The following TET3 variants were observed in gnomAD, a reference collection of about 807,000 sequenced individuals.
The protein encoded by TET3 is tet methylcytosine dioxygenase 3.
Under a neutral mutation model 141.4 loss-of-function variants are expected in TET3, and 19 were observed. That is an observed-to-expected ratio of 0.13 (90% confidence interval 0.09 to 0.20). The LOEUF (loss-of-function observed/expected upper bound fraction) is 0.20. TET3 is among the 10% of genes least tolerant of loss of function. The pLI, the probability that TET3 is intolerant of heterozygous loss-of-function variation, is 1.00. For synonymous variants in TET3, 1,043 were observed against 980.9 expected (o/e 1.06, Z -1.18); for missense variants, 1,874 against 2,356.9 (o/e 0.80, Z 4.24).
intron 4 of TET3, among the ~76,000 whole-genome samples, chr2:74,060,001 G>C (rs1199115720): frequency 6.6e-6 from 1 of 152,138 alleles, no homozygotes; most frequent in Non-Finnish European, 1.5e-5. Flanking sequence ...TCTTATACCT[G>C]TCTCTTGGTG....
In TET3 at chr2:74,102,453, C is replaced by G. The variant is rs1408858373; in HGVS notation, c.*277C>G. ...ATATTTATATCTCCAAGTTGTCCCC[C>G]CCCCTTGTCTGGGGGGTTTTTATTT... On this transcript the variant is annotated 3_prime_UTR_variant, in exon 12 of 12. Transcript: ENST00000409262. 3.3e-6 allele frequency: 1 copy of G among 301,848 alleles called. No homozygotes were observed. Among genetic ancestry groups the G allele is most frequent in the Non-Finnish European group, 5.9e-6 (1 of 168,840 alleles). The allele number at this position is 301,848 out of a possible 1,614,324, so 18.7% of individuals were successfully genotyped here.
the TET3 span, among the ~76,000 whole-genome samples, chr2:74,128,723 C>T: frequency 6.6e-6 from 1 of 150,536 alleles, no homozygotes; most frequent in South Asian, 2.1e-4. Context: ...TGGGCTTATG[C>T]TTGTAATCCC....
At chr2:74,061,462 G>A (rs557993877) in intron 4 of TET3, among the ~76,000 whole-genome samples, 11 of 145,838 alleles carry the variant, frequency 7.5e-5, no homozygotes, top group African/African-American at 2.3e-4. Context: ...CTGGCAGGGC[G>A]GGGGACTGAC....
intron 4 of TET3, among the ~76,000 whole-genome samples, chr2:74,072,647 G>A (rs1270482952): frequency 1.3e-5 from 2 of 152,000 alleles, no homozygotes; most frequent in Non-Finnish European, 1.5e-5. Context: ...CAGTTTAGTG[G>A]CATTAATTAC....
intron 3 of TET3, among the ~76,000 whole-genome samples, chr2:74,004,660 G>GGC (rs1016950550): frequency 5.9e-5 from 9 of 152,184 alleles, no homozygotes; most frequent in African/African-American, 2.2e-4. Context: ...CCTGGGATGA[G>GGC]GCGGTGGGAG....
the TET3 span, among the ~76,000 whole-genome samples, chr2:74,131,235 C>A: frequency 2.6e-5 from 4 of 152,170 alleles, no homozygotes; most frequent in African/African-American, 9.7e-5. Context: ...TCTCTTAGCA[C>A]GTTCTTGCCA....
At chr2:74,085,797 C>G (rs1294180282) in intron 6 of TET3, among the ~76,000 whole-genome samples, 1 of 152,200 alleles carries the variant, frequency 6.6e-6, no homozygotes, top group Admixed American at 6.5e-5. Context: ...GACCCCTGCT[C>G]TAAGGTACCT....
chr2:73,993,363 A>G (rs1256242091), intron 2 of TET3: 3 of 152,196 alleles, frequency 2.0e-5, no homozygotes, highest in Non-Finnish European at 2.9e-5. Flanking sequence ...AGTTTGATAG[A>G]ACTGCAGAAT....
At chr2:74,008,920 C>T (rs917513317) in intron 3 of TET3, among the ~76,000 whole-genome samples, 12 of 152,296 alleles carry the variant, frequency 7.9e-5, no homozygotes, top group Admixed American at 2.0e-4. Flanking sequence ...TTCTCAACCC[C>T]GCCTCCAGGC....
At position 74,102,116 on chromosome 2, in the gene TET3, G is replaced by T; in HGVS notation, c.5328G>T (p.Ala1776=). The change falls in exon 12 of 12, where the codon GCG becomes GCT. Residue 1776 remains alanine, a synonymous_variant. Transcript: ENST00000409262. ...RQALAVPTDS[A]VTVSSYAYTK... is the part of the protein sequence containing the mutation. ...CACTGGCTGTGCCCACAGACTCGGC[G>T]GTCACCGTGTCCTCCTATGCCTACA... 1 of 1,491,580 alleles carries T rather than the reference G, an allele frequency of 6.7e-7. No individual in the cohort carries two copies. Among genetic ancestry groups the T allele is most frequent in the East Asian group, 2.3e-5 (1 of 42,644 alleles). The allele number at this position is 1,491,580 out of a possible 1,614,324, so 92.4% of individuals were successfully genotyped here. A position where few individuals can be genotyped will look rare whatever the true frequency, so the allele number is the denominator to read the frequency against.
chr2:74,090,104 A>G (rs760557165), intron 8 of TET3, 57 bp downstream of exon 8: 111 of 1,600,354 alleles, frequency 6.9e-5, no homozygotes, highest in Middle Eastern at 1.9e-4. Context: ...GGCGTCCTTC[A>G]TGGTCCAGCG....
intron 2 of TET3, among the ~76,000 whole-genome samples, chr2:73,996,145 G>A (rs1196417071): frequency 6.6e-6 from 1 of 152,124 alleles, no homozygotes. Flanking sequence ...GGGTTTTCTT[G>A]TTCTGGAAAA....
Position 74,100,248 on chromosome 2 carries a change from A to G in TET3, c.3605-145A>G, listed in dbSNP as rs1014410699. 3 of 865,566 alleles carry G rather than the reference A, an allele frequency of 3.5e-6. No homozygotes were observed. In the African/African-American group the frequency reaches 5.1e-5, roughly 15 times the overall value. 53.6% of individuals were successfully genotyped at this position (865,566 alleles called of 1,614,324 possible). ...GGGAGTACGACCCGTTCTGGGCTGGACATGCCTCAGCACCTCACCTGCCTG... is the reference window on the plus strand; with the variant it reads ...GGGAGTACGACCCGTTCTGGGCTGGGCATGCCTCAGCACCTCACCTGCCTG... On this transcript the variant is annotated intron_variant, in intron 11 of 11. Transcript: ENST00000409262.
intron 3 of TET3, among the ~76,000 whole-genome samples, chr2:74,008,136 C>T (rs1332956648): frequency 1.3e-5 from 2 of 152,128 alleles, no homozygotes; most frequent in Non-Finnish European, 2.9e-5. Flanking sequence ...GTTTTGATGC[C>T]TCCCCACCCC....
chr2:74,053,244 C>T (rs1015400969), intron 4 of TET3, among the ~76,000 whole-genome samples: 8 of 106,598 alleles, frequency 7.5e-5, no homozygotes, highest in African/African-American at 2.1e-4. Context: ...ATTGGAGAGT[C>T]CCCCCCCAAC....
chr2:73,989,544 G>A (rs1358918970), intron 2 of TET3, among the ~76,000 whole-genome samples: 1 of 152,104 alleles, frequency 6.6e-6, no homozygotes, highest in African/African-American at 2.4e-5. Context: ...CTTTGTCGGT[G>A]GGGAGAAGGG....
intron 2 of TET3, among the ~76,000 whole-genome samples, chr2:73,987,172 G>T (rs1370664243): frequency 6.6e-6 from 1 of 152,218 alleles, no homozygotes; most frequent in Non-Finnish European, 1.5e-5. Flanking sequence ...GTTTTTCTCA[G>T]ATGGCCAGAG....
the TET3 span, among the ~76,000 whole-genome samples, chr2:74,117,849 G>A: frequency 1.3e-5 from 2 of 152,084 alleles, no homozygotes; most frequent in East Asian, 1.9e-4. Flanking sequence ...GGATTCAAAT[G>A]ATTCTCCTGC....
At chr2:73,997,450 G>T (rs1268206536) in intron 2 of TET3, among the ~76,000 whole-genome samples, 1 of 152,168 alleles carries the variant, frequency 6.6e-6, no homozygotes, top group Non-Finnish European at 1.5e-5. Context: ...TACTGTGAGG[G>T]CTGGGTCCTG....
Sources: allele counts gnomAD v4.1 joint callset (sites outside exome capture counted in the v4.1 genomes callset), GRCh38; gene constraint gnomAD v4.1.1; transcripts MANE v1.5; gene names NCBI Gene and HGNC (gene_info 2026-07-23, HGNC 2026-07-21).